ODAD4: variants seen among roughly 807,000 people sequenced by gnomAD.
ODAD4 encodes outer dynein arm docking complex subunit 4.
ODAD4 carries 49 observed loss-of-function variants against 51.8 expected under a neutral mutation model. That is an observed-to-expected ratio of 0.95 (90% CI 0.75 to 1.20). The LOEUF (loss-of-function observed/expected upper bound fraction) is 1.20, where lower values mean the gene tolerates loss of function less well. Among genes scored for constraint, ODAD4 ranks in the 50% most tolerant of loss-of-function variants. ODAD4 has a pLI of 0.00. For missense variants in ODAD4, 590 were observed against 586.5 expected (o/e 1.01, Z -0.06); for synonymous variants, 235 against 221.3 (o/e 1.06, Z -0.55).
intron 10 of ODAD4, among the ~76,000 whole-genome samples, chr17:41,956,568 C>T (rs560177450): frequency 3.5e-4 from 52 of 147,690 alleles, no homozygotes; most frequent in Admixed American, 1.2e-3. Flanking sequence ...TGCTGGGACT[C>T]GGCAACATGG....
chr17:41,934,131 T>C (rs1938370941), intron 1 of ODAD4, among the ~76,000 whole-genome samples: 1 of 125,736 alleles, frequency 8.0e-6, no homozygotes, highest in African/African-American at 3.0e-5. Flanking sequence ...AACCTCTGCC[T>C]CCCAGGTTCA....
In ODAD4 at chr17:41,956,015, G is replaced by A. The variant is rs551353679; in HGVS notation, c.1443+698G>A. ...AATCCACCCTCCTCAGCCTCCCAAT[G>A]TGCTGGGATTACACGTGTAAACTGT... On this transcript the variant is annotated intron_variant, in intron 10 of 11. Coordinates refer to ENST00000377540, the MANE Select transcript of ODAD4 (RefSeq NM_031421.5). Among the ~76,000 whole-genome samples the A allele has an allele frequency of 1.4e-3, 209 of 147,474 alleles. 2 individuals carry two copies. The highest frequency in any genetic ancestry group is 6.7e-4 in the Non-Finnish European group (45 of 67,162).
rs782170046 is a variant in ODAD4, at chr17:41,930,697, G to C, written c.-27G>C. 1.9e-5 allele frequency: 27 copies of C among 1,446,934 alleles called. No homozygotes were observed. The South Asian group carries it at 2.6e-4, about 14-fold the overall frequency. 89.6% of individuals were successfully genotyped at this position (1,446,934 alleles called of 1,614,324 possible). ...CTCCAGCTTTTCTTTGATTGTCTCT[G>C]CTTTAGCGTCTCTAAATCCGGTCAC... On this transcript the variant is annotated 5_prime_UTR_variant, in exon 1 of 12. Coordinates refer to ENST00000377540, the MANE Select transcript of ODAD4 (RefSeq NM_031421.5).
At chr17:41,957,342 A>C (rs2050746822) in intron 10 of ODAD4, among the ~76,000 whole-genome samples, 1 of 152,098 alleles carries the variant, frequency 6.6e-6, no homozygotes, top group South Asian at 2.1e-4. Flanking sequence ...TTAGATTCTC[A>C]TGAGGAGCAT....
chr17:41,936,765 A>T lies in ODAD4; in HGVS notation c.463A>T (p.Ile155Leu), dbSNP rs782737455. 11 of 1,613,924 alleles carry T rather than the reference A, an allele frequency of 6.8e-6. No individual in the cohort carries two copies. In the African/African-American group the frequency reaches 1.5e-4, roughly 22 times the overall value. ...LSFLSKQAENIKAQQKPQPMK... is the reference protein window; with the variant it reads ...LSFLSKQAENLKAQQKPQPMK... ...GGGTGTTGCTCCATTTTCTCAGAATATAAAAGCCCAGCAGAAGCCTCAGCC... is the reference window on the plus strand; with the variant it reads ...GGGTGTTGCTCCATTTTCTCAGAATTTAAAAGCCCAGCAGAAGCCTCAGCC... The change falls in exon 5 of 12, where the codon ATA becomes TTA. Residue 155 changes from isoleucine (I) to leucine (L), a missense_variant. Coordinates refer to ENST00000377540, the MANE Select transcript of ODAD4 (RefSeq NM_031421.5).
intron 1 of ODAD4, 130 bp from the exon 2 acceptor site, chr17:41,935,087 T>C: frequency 9.0e-7 from 1 of 1,111,602 alleles, no homozygotes; most frequent in Non-Finnish European, 1.3e-6. Context: ...ATCCCCTTGA[T>C]TCTTCAGAGC....
At chr17:41,955,039 A>T (rs2050710212) in intron 9 of ODAD4, 178 bp from the exon 10 acceptor site, 1 of 703,798 alleles carries the variant, frequency 1.4e-6, no homozygotes, top group African/African-American at 1.7e-5. Flanking sequence ...TAGCCCAGGA[A>T]CACGGTGGAA....
intron 9 of ODAD4, among the ~76,000 whole-genome samples, chr17:41,952,118 C>G (rs1449347804): frequency 5.3e-5 from 8 of 151,816 alleles, no homozygotes; most frequent in Non-Finnish European, 1.0e-4. Context: ...CCTGTAATCC[C>G]TGCACTTTGG....
rs556398423 is a variant in ODAD4, at chr17:41,955,317, T to C, written c.1443T>C (p.Ser481=). The C allele has an allele frequency of 1.0e-5, 8 of 776,144 alleles. No individual in the cohort carries two copies. The Admixed American group carries it at 1.2e-4, about 12-fold the overall frequency. 48.1% of individuals were successfully genotyped at this position (776,144 alleles called of 1,614,324 possible). The change falls in exon 10 of 12, where the codon AGT becomes AGC. Residue 481 remains serine, a splice_region_variant and synonymous_variant. Transcript: ENST00000377540. ...HNNEAQQAII[S]ALDDANKGII... is the part of the protein sequence containing the mutation. ...ACGAGGCGCAGCAGGCCATCATCAG[T>C]GTGAGCCTTTCCACCCGCCGGGCTT...
At position 41,935,747 on chromosome 17, in the gene ODAD4, G is replaced by A; in HGVS notation, c.395G>A (p.Gly132Glu). 2 of 1,613,846 alleles carry A rather than the reference G, an allele frequency of 1.2e-6. No homozygotes were observed. The highest frequency in any genetic ancestry group is 8.5e-7 in the Non-Finnish European group (1 of 1,179,806). ...CAGGAAGCCATCAACAACTCAGTGG[G>A]AAGTGAGTGACCACAGGGCCTATGC... ...KAQEAINNSV[G>E]SPSSIKLENK... Residue 132 changes from glycine to glutamate, a missense_variant and splice_region_variant, in exon 3 of 12, where the codon GGA (glycine) becomes GAA (glutamate). By Grantham distance (98) the Gly-to-Glu change is moderately conservative. This residue lies in a region of ODAD4 where 360 missense variants were observed against 407.5 expected (regional missense o/e 0.88). Coordinates refer to ENST00000377540, the MANE Select transcript of ODAD4 (RefSeq NM_031421.5).
At chr17:41,938,012 C>G (rs1223157244) in intron 5 of ODAD4, among the ~76,000 whole-genome samples, 1 of 152,248 alleles carries the variant, frequency 6.6e-6, no homozygotes, top group African/African-American at 2.4e-5. Context: ...AGCAACAGGC[C>G]TGAATGCCTC....
intron 3 of ODAD4, 113 bp downstream of exon 3, chr17:41,935,862 C>T: frequency 7.9e-7 from 1 of 1,271,560 alleles, no homozygotes. Context: ...CGCAGGGAGT[C>T]CTACACCTGG....
chr17:41,943,520 G>A (rs2050535784), intron 7 of ODAD4, among the ~76,000 whole-genome samples: 1 of 152,174 alleles, frequency 6.6e-6, no homozygotes, highest in Admixed American at 6.6e-5. Context: ...TTAAGGGAGG[G>A]GGAGAATATT....
intron 8 of ODAD4, among the ~76,000 whole-genome samples, chr17:41,946,513 C>T (rs1364977856): frequency 1.3e-5 from 2 of 151,988 alleles, no homozygotes; most frequent in South Asian, 2.1e-4. Context: ...TTAGTAAAGA[C>T]GAGGTTTCAC....
At chr17:41,939,226 G>C in intron 7 of ODAD4, 54 bp downstream of exon 7, 2 of 1,506,842 alleles carry the variant, frequency 1.3e-6, no homozygotes, top group Non-Finnish European at 1.8e-6. Flanking sequence ...GGACACCTGG[G>C]GCTATCTGAG....
chr17:41,948,122 AAAAT>A (rs1251321996), intron 8 of ODAD4, among the ~76,000 whole-genome samples: 4 of 151,928 alleles, frequency 2.6e-5, no homozygotes, highest in African/African-American at 7.2e-5. Context: ...CCATCTCAAA[AAAAT>A]AAATAAATAA....
chr17:41,955,211 C>T lies in ODAD4; in HGVS notation c.1343-6C>T, dbSNP rs781808611. The T allele has an allele frequency of 1.3e-6, 1 of 775,070 alleles. No individual in the cohort carries two copies. Among genetic ancestry groups the T allele is most frequent in the African/African-American group, 1.7e-5 (1 of 59,160 alleles). The allele number at this position is 775,070 out of a possible 1,614,324, so 48.0% of individuals were successfully genotyped here. On this transcript the variant is annotated splice_polypyrimidine_tract_variant and splice_region_variant and intron_variant, in intron 9 of 11. Transcript: ENST00000377540. ...CTGTGTTGTGCCTTCTCCCCTTGCT[C>T]TCCAGTGAAGCTGAGAGACTTCGAG... is the stretch of plus-strand genomic sequence containing the variant.
chr17:41,965,193 G>A lies in ODAD4; in HGVS notation c.1729G>A (p.Asp577Asn). 2.6e-6 allele frequency: 2 copies of A among 773,800 alleles called. No homozygotes were observed. The highest frequency in any genetic ancestry group is 1.4e-5 in the South Asian group (1 of 73,296). The allele number at this position is 773,800 out of a possible 1,614,324, so 47.9% of individuals were successfully genotyped here. A position where few individuals can be genotyped will look rare whatever the true frequency, so the allele number is the denominator to read the frequency against. ...TGTGGAAGCAGGAAAAGCCAGAAGC[G>A]ATTTGGGAGCAGTTGCCAAGGGCCT... is the stretch of plus-strand genomic sequence containing the variant. Reference protein sequence around the residue: ...QSVEAGKARSDLGAVAKGLSG... With the variant: ...QSVEAGKARSNLGAVAKGLSG... Residue 577 changes from aspartate to asparagine, a missense_variant, in exon 12 of 12, where the codon GAT (aspartate) becomes AAT (asparagine). Asp to Asn is a conservative substitution (Grantham distance 23). Coordinates refer to ENST00000377540, the MANE Select transcript of ODAD4 (RefSeq NM_031421.5).
intron 5 of ODAD4, among the ~76,000 whole-genome samples, chr17:41,938,089 G>A (rs2050452402): frequency 2.0e-5 from 3 of 152,218 alleles, no homozygotes; most frequent in African/African-American, 7.2e-5. Flanking sequence ...TGGCCTTGTA[G>A]CTTTGCTTCT....
Sources: allele counts gnomAD v4.1 joint callset (sites outside exome capture counted in the v4.1 genomes callset), GRCh38; gene constraint gnomAD v4.1.1; regional missense constraint gnomAD v4.1.1; transcripts MANE v1.5; gene names NCBI Gene and HGNC (gene_info 2026-07-23, HGNC 2026-07-21).